Variants in SLCO3A1 observed in about 807,000 individuals in gnomAD.
SLCO3A1 encodes the protein PGE1 transporter.
Under a neutral mutation model 63.1 loss-of-function variants are expected in SLCO3A1, and 27 were observed. The observed-to-expected ratio is 0.43, with a 90% CI of 0.32 to 0.59. The LOEUF (loss-of-function observed/expected upper bound fraction) is 0.59. SLCO3A1 is among the 20% of genes least tolerant of loss of function. SLCO3A1 has a pLI of 0.09. For missense variants in SLCO3A1, 773 were observed against 945.8 expected (o/e 0.82, Z 2.40); for synonymous variants, 473 against 409.9 (o/e 1.15, Z -1.86).
At chr15:92,030,744 C>T (rs60337527) in intron 2 of SLCO3A1, among the ~76,000 whole-genome samples, 4,626 of 152,260 alleles carry the variant, frequency 0.03, 238 homozygotes, top group African/African-American at 0.1. Context: ...CCCACCTCTC[C>T]ATAGCCTAAG....
In SLCO3A1 at chr15:91,886,271, C is replaced by T. The variant is rs558712007; in HGVS notation, c.181-29722C>T. On this transcript the variant is annotated intron_variant, in intron 1 of 9. Coordinates refer to ENST00000318445, the MANE Select transcript of SLCO3A1 (RefSeq NM_013272.4). The surrounding 1 kb of genome is among the most constrained non-coding windows in gnomAD (Gnocchi z 4.9). ...TTAGAGGATTGTATCTTTTTCTCAC[C>T]AGCTAACTCTTACTAATTAGAAATT... is the stretch of plus-strand genomic sequence containing the variant. 6.6e-6 allele frequency among the ~76,000 whole-genome samples: 1 copy of T among 152,292 alleles called. No individual in the cohort carries two copies. Among genetic ancestry groups the T allele is most frequent in the Non-Finnish European group, 1.5e-5 (1 of 68,022 alleles).
chr15:91,940,283 A>G (rs1004066321), intron 2 of SLCO3A1, among the ~76,000 whole-genome samples: 2 of 152,042 alleles, frequency 1.3e-5, no homozygotes, highest in African/African-American at 4.8e-5. Flanking sequence ...CCTTTCTGAT[A>G]CACGTGCAAT....
intron 9 of SLCO3A1, among the ~76,000 whole-genome samples, chr15:92,156,707 T>C (rs1293707809): frequency 1.3e-5 from 2 of 152,240 alleles, no homozygotes; most frequent in Non-Finnish European, 2.9e-5. Context: ...TCTCCCTTTC[T>C]AGCTGGTGCT....
At chr15:92,087,765 T>C (rs1401189888) in intron 2 of SLCO3A1, among the ~76,000 whole-genome samples, 4 of 152,144 alleles carry the variant, frequency 2.6e-5, no homozygotes, top group Non-Finnish European at 4.4e-5. Flanking sequence ...GTGATCTGCC[T>C]GCCTCGGCCT....
At chr15:92,171,985 C>T (rs1201908408) in exon 11 of SLCO3A1, 3 of 731,796 alleles carry the variant, frequency 4.1e-6, no homozygotes, top group African/African-American at 1.8e-5. Context: ...GATTATCCAG[C>T]CAGTGTGTGG....
rs1261355058 is a variant in SLCO3A1 at position 91,897,063 on chromosome 15, A to G, written c.181-18930A>G. Among the ~76,000 whole-genome samples, 1 of 152,216 alleles carries G rather than the reference A, an allele frequency of 6.6e-6. No individual in the cohort carries two copies. The highest frequency in any genetic ancestry group is 1.5e-5 in the Non-Finnish European group (1 of 68,042). ...TTGCCTCTAGAAAATGGAGATGATA[A>G]TGCCATTTTAGCAGCTGGAAAGTTG... On this transcript the variant is annotated intron_variant, in intron 1 of 9. Coordinates refer to ENST00000318445, the MANE Select transcript of SLCO3A1 (RefSeq NM_013272.4). This position sits in a 1 kb window ranked among gnomAD's most constrained non-coding sequence, Gnocchi z 4.7.
chr15:92,107,503 G>C (rs1567124014), intron 4 of SLCO3A1, among the ~76,000 whole-genome samples: 1 of 152,260 alleles, frequency 6.6e-6, no homozygotes, highest in African/African-American at 2.4e-5. Context: ...GAAAACCCAC[G>C]CTGCAAATGC....
intron 2 of SLCO3A1, among the ~76,000 whole-genome samples, chr15:91,949,758 A>G (rs1005705443): frequency 6.6e-6 from 1 of 152,136 alleles, no homozygotes; most frequent in Non-Finnish European, 1.5e-5. Flanking sequence ...GCTACTTGGG[A>G]GGTCAAGGCA....
In SLCO3A1 at chr15:92,016,249, A is replaced by ATTGAT. The variant is rs760444414; in HGVS notation, c.647-78631_647-78630insTGATT. Among the ~76,000 whole-genome samples the ATTGAT allele has an allele frequency of 3.7e-3, 216 of 58,452 alleles. 1 individual carries two copies. The highest frequency in any genetic ancestry group is 5.6e-3 in the Admixed American group (26 of 4,666). 38.3% of individuals were successfully genotyped at this position (58,452 alleles called of 152,430 possible). ...GATAGATAGATAGATAGATAGATAGATAGATTAGATAGATAGATAGATAGA... is the reference window on the plus strand; with the variant it reads ...GATAGATAGATAGATAGATAGATAGATTGATTAGATTAGATAGATAGATAGATAGA... On this transcript the variant is annotated intron_variant, in intron 2 of 9. Transcript: ENST00000318445.
At chr15:91,974,265 G>GTTA (rs56317875) in intron 2 of SLCO3A1, among the ~76,000 whole-genome samples, 10,128 of 142,876 alleles carry the variant, frequency 0.071, 389 homozygotes, top group Middle Eastern at 0.14. Flanking sequence ...TTTCATTATT[G>GTTA]TTATTATTAT....
chr15:92,119,719 C>G (rs535933753), intron 4 of SLCO3A1, among the ~76,000 whole-genome samples: 19 of 152,256 alleles, frequency 1.2e-4, no homozygotes, highest in African/African-American at 3.9e-4. Flanking sequence ...CGGGCCATGG[C>G]ACAGCCTATG....
At chr15:91,945,072 A>G (rs534759772) in intron 2 of SLCO3A1, among the ~76,000 whole-genome samples, 1 of 152,162 alleles carries the variant, frequency 6.6e-6, no homozygotes, top group African/African-American at 2.4e-5. Context: ...TTGGTTGGGC[A>G]TGGTGGCTCA....
At chr15:91,944,818 CCTCT>C (rs538076068) in intron 2 of SLCO3A1, among the ~76,000 whole-genome samples, 1 of 151,906 alleles carries the variant, frequency 6.6e-6, no homozygotes, top group East Asian at 1.9e-4. Flanking sequence ...GAGCAGGCTC[CCTCT>C]CTCTCTCTTT....
At chr15:92,105,456 C>G (rs912714588) in intron 4 of SLCO3A1, among the ~76,000 whole-genome samples, 6 of 152,110 alleles carry the variant, frequency 3.9e-5, no homozygotes, top group African/African-American at 1.4e-4. Context: ...AAAAAAAGTG[C>G]AACTTTTCTG....
rs4932587 is a variant in SLCO3A1 at position 91,897,957 on chromosome 15, G to A, written c.181-18036G>A. On this transcript the variant is annotated intron_variant, in intron 1 of 9. Transcript: ENST00000318445. This position sits in a 1 kb window ranked among gnomAD's most constrained non-coding sequence, Gnocchi z 4.7. The stretch of plus-strand genomic sequence containing the variant: ...ACACACGGGGTTTTTAAATTAGAAA[G>A]ATATCATGAGATGCAGAAAGCAGGT... Among the ~76,000 whole-genome samples, 60,822 of 152,088 alleles carry A rather than the reference G, an allele frequency of 0.4. 13,532 individuals are homozygous for A. Among genetic ancestry groups the A allele is most frequent in the East Asian group, 0.78 (4,028 of 5,158 alleles).
Position 91,865,593 on chromosome 15 carries a change from G to A in SLCO3A1, c.180+11505G>A, listed in dbSNP as rs1054552310. Among the ~76,000 whole-genome samples, 1 of 152,128 alleles carries A rather than the reference G, an allele frequency of 6.6e-6. No individual in the cohort carries two copies. The highest frequency in any genetic ancestry group is 2.1e-4 in the South Asian group (1 of 4,824). ...TAGAACCCTTCCTTGCCTCTTCATG[G>A]CATGTGGGGGTGGCCAAGGGTCCTT... On this transcript the variant is annotated intron_variant, in intron 1 of 9. Coordinates refer to ENST00000318445, the MANE Select transcript of SLCO3A1 (RefSeq NM_013272.4). The surrounding 1 kb of genome is among the most constrained non-coding windows in gnomAD (Gnocchi z 4.6).
At chr15:92,110,062 T>G (rs1051521554) in intron 4 of SLCO3A1, among the ~76,000 whole-genome samples, 4 of 152,198 alleles carry the variant, frequency 2.6e-5, no homozygotes, top group Admixed American at 1.3e-4. Context: ...GCCCTTCCTG[T>G]GTCTGAGAAA....
At chr15:91,974,265 G>GTTATTATTATTATTA (rs56317875) in intron 2 of SLCO3A1, among the ~76,000 whole-genome samples, 2,398 of 142,940 alleles carry the variant, frequency 0.017, 36 homozygotes, top group African/African-American at 0.021. Flanking sequence ...TTTCATTATT[G>GTTATTATTATTATTA]TTATTATTAT....
intron 2 of SLCO3A1, among the ~76,000 whole-genome samples, chr15:92,048,650 C>A (rs778923680): frequency 6.6e-6 from 1 of 152,152 alleles, no homozygotes; most frequent in Non-Finnish European, 1.5e-5. Flanking sequence ...TTAGGAACCA[C>A]TGCTTTGGGA....
Sources: allele counts gnomAD v4.1 joint callset (sites outside exome capture counted in the v4.1 genomes callset), GRCh38; gene constraint gnomAD v4.1.1; non-coding constraint Gnocchi (gnomAD v3.1); transcripts MANE v1.5; gene names NCBI Gene and HGNC (gene_info 2026-07-23, HGNC 2026-07-21).